SGTB: variants seen among roughly 807,000 people sequenced by gnomAD.
SGTB encodes small glutamine rich tetratricopeptide repeat co-chaperone beta.
A neutral mutation model predicts 43.9 loss-of-function variants in SGTB; 19 were observed. The ratio of observed to expected loss-of-function variants is 0.43; its 90% confidence interval spans 0.30 to 0.63. The LOEUF (loss-of-function observed/expected upper bound fraction) is 0.63. Among genes scored for constraint, SGTB ranks in the 30% least tolerant of loss-of-function variants. The pLI, the probability that SGTB is intolerant of heterozygous loss-of-function variation, is 0.12. For missense variants in SGTB, 304 were observed against 358.9 expected, an observed-to-expected ratio of 0.85 and a Z score of 1.24; for synonymous variants, 116 against 117.3, an observed-to-expected ratio of 0.99 and a Z score of 0.07.
chr5:65,690,448 C>G (rs990982714), intron 5 of SGTB, among the ~76,000 whole-genome samples: 16 of 151,968 alleles, frequency 1.1e-4, no homozygotes, highest in African/African-American at 3.9e-4. Flanking sequence ...TCCTCACCCC[C>G]CTAAAAAAGG....
chr5:65,721,359 C>A (rs1478069997), intron 1 of SGTB, among the ~76,000 whole-genome samples: 1 of 152,230 alleles, frequency 6.6e-6, no homozygotes, highest in Admixed American at 6.5e-5. Context: ...AATGGCATTT[C>A]TATTTAATCA....
In SGTB at chr5:65,713,007, G is replaced by A; in HGVS notation, c.158C>T (p.Ala53Val). ...CATTTCTGTCAAAGGCTGTGAAACT[G>A]CTAGGTGTGTATCTTCTGGGCTGAT... ...FKISPEDTHL[A>V]VSQPLTEMFT... Residue 53 changes from alanine (A) to valine (V), a missense_variant, in exon 3 of 11, where the codon GCA (alanine) becomes GTA (valine). Physicochemically the swap from Ala to Val is moderately conservative, Grantham distance 64. Transcript: ENST00000381007. The A allele has an allele frequency of 6.2e-7, 1 of 1,613,810 alleles. No individual in the cohort carries two copies. Among genetic ancestry groups the A allele is most frequent in the Non-Finnish European group, 8.5e-7 (1 of 1,179,880 alleles).
chr5:65,706,441 C>A (rs1238039207), intron 4 of SGTB, among the ~76,000 whole-genome samples: 8 of 151,972 alleles, frequency 5.3e-5, no homozygotes. Flanking sequence ...GTGTAGATAT[C>A]ATAATGTATA....
At chr5:65,675,119 A>G (rs1757242198) in intron 8 of SGTB, among the ~76,000 whole-genome samples, 1 of 152,232 alleles carries the variant, frequency 6.6e-6, no homozygotes, top group Non-Finnish European at 1.5e-5. Context: ...TGCCCTGGTA[A>G]CATCCTAAAC....
chr5:65,708,507 C>A lies in SGTB; in HGVS notation c.256G>T (p.Asp86Tyr). ...NSVPEDVGKA[D>Y]QLKDEGNNHM... is the part of the protein sequence containing the mutation. ...TATTCACCTTCATCTTTTAATTGGT[C>A]AGCTTTTCCCACATCTTCAGGCACT... The change falls in exon 4 of 11, where the codon GAC becomes TAC. Residue 86 changes from aspartate to tyrosine, a missense_variant. Physicochemically the swap from Asp to Tyr is radical, Grantham distance 160 (BLOSUM62 -3). Transcript: ENST00000381007. 1 of 1,612,752 alleles carries A rather than the reference C, an allele frequency of 6.2e-7. No homozygotes were observed. The highest frequency in any genetic ancestry group is 8.5e-7 in the Non-Finnish European group (1 of 1,179,566).
At chr5:65,721,698 G>A (rs568761870) in intron 1 of SGTB, among the ~76,000 whole-genome samples, 1 of 152,190 alleles carries the variant, frequency 6.6e-6, no homozygotes, top group Non-Finnish European at 1.5e-5. Context: ...TAAGGCCCCA[G>A]GGCAGAAGGT....
intron 5 of SGTB, among the ~76,000 whole-genome samples, chr5:65,685,865 CT>C (rs1198232587): frequency 6.6e-6 from 1 of 152,220 alleles, no homozygotes; most frequent in Non-Finnish European, 1.5e-5. Context: ...GCTATTATCA[CT>C]TTAATGGTAG....
At chr5:65,719,094 G>A (rs1758205163) in intron 2 of SGTB, among the ~76,000 whole-genome samples, 1 of 152,144 alleles carries the variant, frequency 6.6e-6, no homozygotes, top group African/African-American at 2.4e-5. Flanking sequence ...TGCATCACCT[G>A]CTCCTCTCAC....
Position 65,667,033 on chromosome 5 carries a change from TG to T in SGTB, c.*3212del, listed in dbSNP as rs1375517924. On this transcript the variant is annotated 3_prime_UTR_variant, in exon 11 of 11. Transcript: ENST00000381007. ...GGTAAAATTCATCACGGAAGTTATCTGGGCCTGTAGTTTTCTTTACTGGAAG... is the reference window on the plus strand; with the variant it reads ...GGTAAAATTCATCACGGAAGTTATCTGGCCTGTAGTTTTCTTTACTGGAAG... The T allele has an allele frequency of 1.3e-5, 2 of 152,218 alleles. No homozygotes were observed. Among genetic ancestry groups the T allele is most frequent in the Non-Finnish European group, 2.9e-5 (2 of 68,024 alleles). The allele number at this position is 152,218 out of a possible 1,614,324, so 9.4% of individuals were successfully genotyped here.
intron 5 of SGTB, among the ~76,000 whole-genome samples, chr5:65,692,399 A>C (rs1451448741): frequency 6.6e-6 from 1 of 152,214 alleles, no homozygotes; most frequent in African/African-American, 2.4e-5. Context: ...TAAGATATCA[A>C]ACTTAGAGTC....
intron 1 of SGTB, among the ~76,000 whole-genome samples, chr5:65,721,618 A>T (rs1411116734): frequency 1.3e-5 from 2 of 152,328 alleles, no homozygotes; most frequent in East Asian, 3.9e-4. Context: ...CGCCGCTATA[A>T]TGTTTATTAT....
chr5:65,679,924 C>A (rs1757361012), intron 8 of SGTB, among the ~76,000 whole-genome samples: 1 of 152,196 alleles, frequency 6.6e-6, no homozygotes, highest in Admixed American at 6.5e-5. Flanking sequence ...AAATGCCTAT[C>A]AATGATAGAC....
At chr5:65,689,023 G>C (rs1302664754) in intron 5 of SGTB, among the ~76,000 whole-genome samples, 1 of 151,930 alleles carries the variant, frequency 6.6e-6, no homozygotes, top group Non-Finnish European at 1.5e-5. Context: ...TGTTAGCCAG[G>C]ATGGTCTCGA....
chr5:65,698,613 A>G (rs1189031705), intron 5 of SGTB, among the ~76,000 whole-genome samples: 2 of 152,214 alleles, frequency 1.3e-5, no homozygotes, highest in Non-Finnish European at 2.9e-5. Flanking sequence ...ACAGAATTGG[A>G]GAAAATATTT....
chr5:65,691,896 A>G (rs908839517), intron 5 of SGTB, among the ~76,000 whole-genome samples: 4 of 150,106 alleles, frequency 2.7e-5, no homozygotes, highest in Non-Finnish European at 5.9e-5. Context: ...GCGCCACTGC[A>G]CCCCAGCCTG....
At chr5:65,716,293 A>G (rs919451281) in intron 2 of SGTB, among the ~76,000 whole-genome samples, 1 of 152,250 alleles carries the variant, frequency 6.6e-6, no homozygotes, top group African/African-American at 2.4e-5. Flanking sequence ...TAGGTGAACA[A>G]TATGTCACAG....
chr5:65,687,121 T>C (rs1309904852), intron 5 of SGTB, among the ~76,000 whole-genome samples: 5 of 152,178 alleles, frequency 3.3e-5, no homozygotes, highest in African/African-American at 1.2e-4. Context: ...TCACTAAAAA[T>C]TCAGCACATT....
intron 3 of SGTB, among the ~76,000 whole-genome samples, chr5:65,710,570 T>G (rs1366090261): frequency 3.9e-5 from 6 of 152,326 alleles, no homozygotes; most frequent in African/African-American, 1.4e-4. Context: ...CCAAGTACAC[T>G]TGGTGAAACA....
intron 5 of SGTB, among the ~76,000 whole-genome samples, chr5:65,691,555 T>G (rs1173847388): frequency 2.6e-5 from 4 of 151,576 alleles, no homozygotes; most frequent in African/African-American, 9.6e-5. Context: ...CTCAAACTCC[T>G]GACCTCAAGT....
Sources: gnomAD v4.1 joint callset for allele counts (sites outside exome capture counted in the v4.1 genomes callset) on GRCh38, gnomAD v4.1.1 for gene constraint, MANE v1.5 for transcripts, NCBI Gene and HGNC (gene_info 2026-07-23, HGNC 2026-07-21) for gene names.